FLT3: variants seen among roughly 807,000 people sequenced by gnomAD.
FLT3 encodes fms related receptor tyrosine kinase 3, also known as receptor-type tyrosine-protein kinase FLT3.
Under a neutral mutation model 126.6 loss-of-function variants are expected in FLT3, and 46 were observed. That is an observed-to-expected ratio of 0.36 (90% CI 0.29 to 0.46). The LOEUF (loss-of-function observed/expected upper bound fraction) is 0.46. FLT3 is among the 20% of genes least tolerant of loss of function. FLT3 has a pLI of 1.00. For missense variants in FLT3, 1,069 were observed against 1,190.3 expected (o/e 0.90, Z 1.50); for synonymous variants, 404 against 434.4 (o/e 0.93, Z 0.87).
At chr13:28,091,659 G>A (rs768939507) in intron 1 of FLT3, among the ~76,000 whole-genome samples, 2 of 152,122 alleles carry the variant, frequency 1.3e-5, no homozygotes, top group Non-Finnish European at 2.9e-5. Flanking sequence ...GTGAGGCTGG[G>A]TGCAGTGGCT....
intron 1 of FLT3, among the ~76,000 whole-genome samples, chr13:28,074,004 C>T (rs1877758614): frequency 6.6e-6 from 1 of 151,412 alleles, no homozygotes; most frequent in Admixed American, 6.6e-5. Context: ...AGTAAAGTTA[C>T]CTATCACTCT....
At chr13:28,057,583 T>C in intron 3 of FLT3, 121 bp from the exon 4 acceptor site, 1 of 641,176 alleles carries the variant, frequency 1.6e-6, no homozygotes, top group Non-Finnish European at 2.8e-6. Flanking sequence ...CGGAAGCCGC[T>C]CTGTGGAGAA....
chr13:28,046,392 T>A (rs1874882642), intron 9 of FLT3, among the ~76,000 whole-genome samples: 2 of 152,142 alleles, frequency 1.3e-5, no homozygotes, highest in African/African-American at 4.8e-5. Flanking sequence ...AAAGAACTCC[T>A]ACTCTTCATC....
Position 28,046,181 on chromosome 13 carries a change from C to T in FLT3, c.1205+2094G>A, listed in dbSNP as rs549416618. Among the ~76,000 whole-genome samples, 10 of 152,180 alleles carry T rather than the reference C, an allele frequency of 6.6e-5. No individual in the cohort carries two copies. In the South Asian group the frequency reaches 2.1e-3, roughly 32 times the overall value. ...TGGGGGAGTGTGTTTCAGTCAGCTCCCAGACCAGTCTGCATTCTTAATTAC... is the reference window on the plus strand; with the variant it reads ...TGGGGGAGTGTGTTTCAGTCAGCTCTCAGACCAGTCTGCATTCTTAATTAC... On this transcript the variant is annotated intron_variant, in intron 9 of 23. Coordinates refer to ENST00000241453, the MANE Select transcript of FLT3 (RefSeq NM_004119.3).
intron 3 of FLT3, among the ~76,000 whole-genome samples, chr13:28,058,035 G>A (rs778019845): frequency 6.1e-4 from 89 of 147,052 alleles, no homozygotes; most frequent in Non-Finnish European, 9.4e-4. Context: ...GTGAAACTCC[G>A]TCTCAAAAAA....
At chr13:28,091,244 C>T (rs1053350099) in intron 1 of FLT3, among the ~76,000 whole-genome samples, 46 of 49,260 alleles carry the variant, frequency 9.3e-4, no homozygotes, top group African/African-American at 3.1e-3. Flanking sequence ...TTTTTTGAGA[C>T]GGAGTCTCGC....
chr13:28,049,542 G>T lies in FLT3; in HGVS notation c.883-5C>A. The T allele has an allele frequency of 6.2e-7, 1 of 1,612,960 alleles. No individual in the cohort carries two copies. Among genetic ancestry groups the T allele is most frequent in the South Asian group, 1.1e-5 (1 of 90,982 alleles). ...ACTCATCTCAAAGTAGTTGCCCTAG[G>T]TTTTAATAAAACAGAGTTTGCATTT... On this transcript the variant is annotated splice_region_variant and splice_polypyrimidine_tract_variant and intron_variant, in intron 7 of 23. Transcript: ENST00000241453.
At chr13:28,089,915 T>A (rs979715133) in intron 1 of FLT3, among the ~76,000 whole-genome samples, 1 of 151,176 alleles carries the variant, frequency 6.6e-6, no homozygotes, top group Non-Finnish European at 1.5e-5. Flanking sequence ...TTATATATAT[T>A]TTTTTAGTAG....
At chr13:28,041,397 T>C (rs1304759345) in intron 9 of FLT3, among the ~76,000 whole-genome samples, 1 of 152,166 alleles carries the variant, frequency 6.6e-6, no homozygotes. Context: ...AAATGACCAG[T>C]ACAATTACTT....
chr13:28,096,246 C>T lies in FLT3; in HGVS notation c.43+4222G>A, dbSNP rs530991071. 1.1e-4 allele frequency among the ~76,000 whole-genome samples: 17 copies of T among 152,014 alleles called. No individual in the cohort carries two copies. The South Asian group carries it at 3.5e-3, about 31-fold the overall frequency. On this transcript the variant is annotated intron_variant, in intron 1 of 23. Coordinates refer to ENST00000241453, the MANE Select transcript of FLT3 (RefSeq NM_004119.3). ...GGTGCATGCCTGTAGTCCCACAACT[C>T]AGGAGGTTGAGGTAGGAGGCTTGCT...
chr13:28,015,493 A>G (rs1871759934), intron 21 of FLT3, 97 bp downstream of exon 21: 1 of 551,870 alleles, frequency 1.8e-6, no homozygotes, highest in Non-Finnish European at 3.3e-6. Flanking sequence ...CAATACAAGT[A>G]AGACCCATCA....
At chr13:28,058,654 G>A (rs1421640689) in intron 3 of FLT3, among the ~76,000 whole-genome samples, 1 of 152,210 alleles carries the variant, frequency 6.6e-6, no homozygotes, top group Non-Finnish European at 1.5e-5. Context: ...AGGTCCCACT[G>A]AGACCTACTC....
At chr13:28,072,021 CT>C (rs1877563346) in intron 1 of FLT3, among the ~76,000 whole-genome samples, 1 of 151,842 alleles carries the variant, frequency 6.6e-6, no homozygotes, top group South Asian at 2.1e-4. Context: ...CTTCTCCACC[CT>C]CTTTGTCTTT....
At chr13:28,088,096 G>T (rs544066042) in intron 1 of FLT3, among the ~76,000 whole-genome samples, 56 of 152,216 alleles carry the variant, frequency 3.7e-4, no homozygotes, top group African/African-American at 1.2e-3. Flanking sequence ...CCTGGTGCTG[G>T]ATGTTTTTGT....
chr13:28,012,614 C>T (rs1871490322), intron 23 of FLT3, among the ~76,000 whole-genome samples: 1 of 152,124 alleles, frequency 6.6e-6, no homozygotes, highest in African/African-American at 2.4e-5. Flanking sequence ...CAAATCCACA[C>T]CCAACTATGC....
At position 28,078,959 on chromosome 13, in the gene FLT3, G is replaced by A. The variant is rs541295807; in HGVS notation, c.44-8347C>T. ...GAACTCCCGACCTCGTGATCCCCCC[G>A]CCTTGGCCTCCCAAAGTGCTGGGGT... On this transcript the variant is annotated intron_variant, in intron 1 of 23. Transcript: ENST00000241453. 2.6e-5 allele frequency among the ~76,000 whole-genome samples: 4 copies of A among 152,176 alleles called. No homozygotes were observed. The East Asian group carries it at 7.7e-4, about 29-fold the overall frequency.
Position 28,035,673 on chromosome 13 carries a change from G to T in FLT3, c.1419C>A (p.Asn473Lys). 2 of 1,595,088 alleles carry T rather than the reference G, an allele frequency of 1.3e-6. No individual in the cohort carries two copies. The highest frequency in any genetic ancestry group is 1.4e-5 in the African/African-American group (1 of 73,378). Residue 473 changes from asparagine (N) to lysine (K), a missense_variant and splice_region_variant, in exon 12 of 24, where the codon AAC becomes AAA. Physicochemically the swap from Asn to Lys is moderately conservative, Grantham distance 94 (BLOSUM62 0). Coordinates refer to ENST00000241453, the MANE Select transcript of FLT3 (RefSeq NM_004119.3). ...CTCCTTCTGTGATCTCTTCTGTGCA[G>T]CTGAAAAAAAAAATAGCAAAGAATT... ...TWKKCSDKSP[N>K]CTEEITEGVW... is the part of the protein sequence containing the mutation.
chr13:28,027,182 T>C lies in FLT3; in HGVS notation c.2113A>G (p.Ser705Gly). The change falls in exon 17 of 24, where the codon AGT (serine) becomes GGT (glycine). Residue 705 changes from serine (S) to glycine (G), a missense_variant. Physicochemically the swap from Ser to Gly is moderately conservative, Grantham distance 56. Transcript: ENST00000241453. ...CYGDLLNYLR[S>G]KREKFHRTWT... is the part of the protein sequence containing the mutation. ...GTCCTGTGAAATTTTTCTCTTTTAC[T>C]TCTTAGATAGTTGAGAAGATCACCA... 4 of 1,612,940 alleles carry C rather than the reference T, an allele frequency of 2.5e-6. No individual in the cohort carries two copies. The highest frequency in any genetic ancestry group is 3.4e-6 in the Non-Finnish European group (4 of 1,178,878).
chr13:28,091,269 T>G (rs534415717), intron 1 of FLT3, among the ~76,000 whole-genome samples: 52 of 123,066 alleles, frequency 4.2e-4, no homozygotes, highest in East Asian at 1.9e-3. Flanking sequence ...TCGCCCAGGC[T>G]GGAGTGCAGT....
Sources: allele counts gnomAD v4.1 joint callset (sites outside exome capture counted in the v4.1 genomes callset), GRCh38; gene constraint gnomAD v4.1.1; transcripts MANE v1.5; gene names NCBI Gene and HGNC (gene_info 2026-07-23, HGNC 2026-07-21).